Variants in EMC2 observed in about 807,000 individuals in gnomAD.
The protein encoded by EMC2 is TPR repeat protein 35.
In EMC2, 37 loss-of-function variants were observed where a neutral mutation model predicts 51.6. That is an observed-to-expected ratio of 0.72 (90% CI 0.55 to 0.94). EMC2 has a LOEUF of 0.94. Among genes scored for constraint, EMC2 ranks in the 40% least tolerant of loss-of-function variants. The pLI, the probability that EMC2 is intolerant of heterozygous loss-of-function variation, is 0.00. For missense variants in EMC2, 359 were observed against 350.9 expected, an observed-to-expected ratio of 1.02 and a Z score of -0.18; for synonymous variants, 131 against 112.4, an observed-to-expected ratio of 1.17 and a Z score of -1.04.
intron 1 of EMC2, among the ~76,000 whole-genome samples, chr8:108,445,754 T>C (rs1017213745): frequency 2.8e-4 from 43 of 152,226 alleles, no homozygotes; most frequent in African/African-American, 1.0e-3. Flanking sequence ...GCCTGTTTCT[T>C]CACTGTCACT....
In EMC2 at chr8:108,463,594, C is replaced by T. The variant is rs1819386416; in HGVS notation, c.364-6232C>T. ...CATACTTCAGAAGATCAGATTTTGT[C>T]CTGAATTGTGAACTCTGCCTATTGT... On this transcript the variant is annotated intron_variant, in intron 5 of 10. Coordinates refer to ENST00000220853, the MANE Select transcript of EMC2 (RefSeq NM_014673.5). Among the ~76,000 whole-genome samples, 4 of 151,992 alleles carry T rather than the reference C, an allele frequency of 2.6e-5. No individual in the cohort carries two copies. In the South Asian group the frequency reaches 8.3e-4, roughly 32 times the overall value.
At chr8:108,453,409 G>A (rs1295045890) in intron 4 of EMC2, among the ~76,000 whole-genome samples, 2 of 152,020 alleles carry the variant, frequency 1.3e-5, no homozygotes, top group Non-Finnish European at 2.9e-5. Context: ...CTGATTTGTA[G>A]GAGGTCTTTA....
At chr8:108,459,753 T>A (rs189187979) in intron 5 of EMC2, among the ~76,000 whole-genome samples, 24 of 151,774 alleles carry the variant, frequency 1.6e-4, no homozygotes, top group East Asian at 5.8e-4. Context: ...TGTGTGTGTG[T>A]GATTGTTTTG....
intron 5 of EMC2, among the ~76,000 whole-genome samples, chr8:108,458,203 C>T (rs1819215488): frequency 1.3e-5 from 2 of 152,206 alleles, no homozygotes; most frequent in South Asian, 2.1e-4. Flanking sequence ...AGGGTACATC[C>T]TCTGGATGCT....
At chr8:108,472,357 G>A (rs973780032) in intron 7 of EMC2, among the ~76,000 whole-genome samples, 2 of 151,814 alleles carry the variant, frequency 1.3e-5, no homozygotes, top group Non-Finnish European at 2.9e-5. Flanking sequence ...TATTGAAACA[G>A]AGGTGAATGT....
chr8:108,459,377 C>T lies in EMC2; in HGVS notation c.363+3447C>T, dbSNP rs542002497. ...TTCATGCTACTGATAAAGACATACC[C>T]GAGAAGACTGGGCAATTTACAAAAG... On this transcript the variant is annotated intron_variant, in intron 5 of 10. Coordinates refer to ENST00000220853, the MANE Select transcript of EMC2 (RefSeq NM_014673.5). 1.2e-4 allele frequency among the ~76,000 whole-genome samples: 19 copies of T among 152,238 alleles called. No individual in the cohort carries two copies. In the East Asian group the frequency reaches 1.4e-3, roughly 11 times the overall value.
In EMC2 at chr8:108,443,665, AAGGTCTCAG is replaced by A. The variant is rs1260527524; in HGVS notation, c.10_18del (p.Val4_Glu6del). On this transcript the variant is annotated inframe_deletion, in exon 1 of 11. Coordinates refer to ENST00000220853, the MANE Select transcript of EMC2 (RefSeq NM_014673.5). ...GCCTCTAGGTTCTGGGAAGATGGCG[AAGGTCTCAG>A]AGCTTTACGATGTCACTTGGGAAGG... The A allele has an allele frequency of 3.1e-6, 5 of 1,609,678 alleles. No individual in the cohort carries two copies. The highest frequency in any genetic ancestry group is 8.5e-7 in the Non-Finnish European group (1 of 1,177,914).
At chr8:108,484,507 A>C (rs1032698449) in intron 10 of EMC2, among the ~76,000 whole-genome samples, 2 of 152,004 alleles carry the variant, frequency 1.3e-5, no homozygotes, top group African/African-American at 4.8e-5. Context: ...ACACTGTATT[A>C]TTTTTATGTT....
At chr8:108,480,942 C>T (rs192633801) in intron 10 of EMC2, among the ~76,000 whole-genome samples, 13 of 152,244 alleles carry the variant, frequency 8.5e-5, no homozygotes, top group African/African-American at 3.1e-4. Flanking sequence ...GCAGCTGCAT[C>T]ATCTCAGGTT....
At chr8:108,450,045 C>T (rs147499785) in intron 2 of EMC2, 109 bp downstream of exon 2, 1 of 491,872 alleles carries the variant, frequency 2.0e-6, no homozygotes, top group Non-Finnish European at 3.6e-6. Flanking sequence ...TATTAATTTT[C>T]TTTGTGACTT....
chr8:108,447,891 T>C (rs564345899), intron 1 of EMC2, among the ~76,000 whole-genome samples: 1 of 152,184 alleles, frequency 6.6e-6, no homozygotes, highest in South Asian at 2.1e-4. Flanking sequence ...GAAGAGCCTT[T>C]ATTTCTTGTG....
At chr8:108,479,903 C>T (rs1016241460) in intron 10 of EMC2, among the ~76,000 whole-genome samples, 1 of 152,104 alleles carries the variant, frequency 6.6e-6, no homozygotes, top group African/African-American at 2.4e-5. Context: ...CCAGCTATTT[C>T]ATTCTGTTTC....
intron 10 of EMC2, among the ~76,000 whole-genome samples, chr8:108,485,558 C>T (rs7012720): frequency 2.0e-4 from 3 of 15,358 alleles, no homozygotes; most frequent in Non-Finnish European, 3.2e-4. Context: ...TATATATACA[C>T]ACACACACAC....
intron 10 of EMC2, among the ~76,000 whole-genome samples, chr8:108,483,061 ACT>A (rs1811075890): frequency 6.6e-6 from 1 of 151,972 alleles, no homozygotes; most frequent in African/African-American, 2.4e-5. Context: ...TCAAATTTTG[ACT>A]CTGATATAAT....
chr8:108,443,637 G>A lies in EMC2; in HGVS notation c.-22G>A, dbSNP rs974989622. On this transcript the variant is annotated 5_prime_UTR_variant, in exon 1 of 11. Transcript: ENST00000220853. ...CTGCGTCTCCCCGCCCTCTCACCCC[G>A]CTGCCTCTAGGTTCTGGGAAGATGG... 10 of 1,603,394 alleles carry A rather than the reference G, an allele frequency of 6.2e-6. No individual in the cohort carries two copies. The highest frequency in any genetic ancestry group is 6.8e-6 in the Non-Finnish European group (8 of 1,174,796).
intron 7 of EMC2, chr8:108,474,827 T>C (rs965458120): frequency 3.9e-5 from 6 of 151,980 alleles, no homozygotes; most frequent in African/African-American, 1.4e-4. Context: ...CTCAGTATTC[T>C]CAGCTCTAGC....
chr8:108,477,538 C>T (rs553978982), intron 9 of EMC2, among the ~76,000 whole-genome samples: 1 of 152,080 alleles, frequency 6.6e-6, no homozygotes, highest in East Asian at 1.9e-4. Flanking sequence ...CCTTTGACTT[C>T]TTGATGAGTG....
intron 2 of EMC2, 49 bp downstream of exon 2, chr8:108,449,985 C>G: frequency 1.6e-6 from 1 of 626,492 alleles, no homozygotes; most frequent in South Asian, 3.1e-5. Context: ...CATTCATGGG[C>G]CTTTTTTTTT....
chr8:108,458,476 C>T (rs1819221838), intron 5 of EMC2, among the ~76,000 whole-genome samples: 2 of 152,192 alleles, frequency 1.3e-5, no homozygotes, highest in Admixed American at 1.3e-4. Flanking sequence ...CCTCTGAAAT[C>T]TAGACAGGGG....
Sources: allele counts gnomAD v4.1 joint callset (sites outside exome capture counted in the v4.1 genomes callset), GRCh38; gene constraint gnomAD v4.1.1; transcripts MANE v1.5; gene names NCBI Gene and HGNC (gene_info 2026-07-23, HGNC 2026-07-21).